ANO2: variants seen among roughly 807,000 people sequenced by gnomAD.
ANO2 encodes anoctamin-2.
A neutral mutation model predicts 124.2 loss-of-function variants in ANO2; 101 were observed. The ratio of observed to expected loss-of-function variants is 0.81; its 90% CI spans 0.69 to 0.96. The LOEUF is 0.96. Ranked by LOEUF, ANO2 falls within the 40% of genes least tolerant of loss-of-function variation. The pLI, the probability that ANO2 is intolerant of heterozygous loss-of-function variation, is 0.00. For synonymous variants in ANO2, 486 were observed against 482.5 expected, an observed-to-expected ratio of 1.01 and a Z score of -0.09; for missense variants, 1,293 against 1,274.5, an observed-to-expected ratio of 1.01 and a Z score of -0.22.
chr12:5,739,360 C>G lies in ANO2; in HGVS notation c.1391G>C (p.Arg464Pro). The G allele has an allele frequency of 6.2e-7, 1 of 1,607,598 alleles. No individual in the cohort carries two copies. The highest frequency in any genetic ancestry group is 8.5e-7 in the Non-Finnish European group (1 of 1,177,192). Reference protein sequence around the residue: ...FLENWKRLQMRLGYFWDLTGI... With the variant: ...FLENWKRLQMPLGYFWDLTGI... ...AGTCAGGTCCCAAAAGTAGCCCAGTCGCATCTGTAGCCTCTTCCAGTTTTC... is the reference window on the plus strand; with the variant it reads ...AGTCAGGTCCCAAAAGTAGCCCAGTGGCATCTGTAGCCTCTTCCAGTTTTC... The change falls in exon 13 of 25, where the codon CGA (arginine) becomes CCA (proline). Residue 464 changes from arginine to proline, a missense_variant. Transcript: ENST00000682330.
chr12:5,804,966 G>C (rs141847033), intron 9 of ANO2, among the ~76,000 whole-genome samples: 233 of 152,224 alleles, frequency 1.5e-3, no homozygotes, highest in African/African-American at 5.3e-3. Flanking sequence ...TTGGGCGAGA[G>C]AGGTGAGATG....
chr12:5,699,210 C>A (rs952168383), intron 14 of ANO2, among the ~76,000 whole-genome samples: 1 of 152,180 alleles, frequency 6.6e-6, no homozygotes, highest in Non-Finnish European at 1.5e-5. Flanking sequence ...GGGTTACCCA[C>A]AAAGGGCAGC....
intron 14 of ANO2, among the ~76,000 whole-genome samples, chr12:5,661,120 G>A (rs989653869): frequency 6.6e-6 from 1 of 152,114 alleles, no homozygotes; most frequent in Non-Finnish European, 1.5e-5. Context: ...TGCCTCTAGC[G>A]AGCAGGCCAT....
At chr12:5,774,882 T>C (rs962114379) in intron 10 of ANO2, among the ~76,000 whole-genome samples, 2 of 152,206 alleles carry the variant, frequency 1.3e-5, no homozygotes, top group African/African-American at 4.8e-5. Flanking sequence ...CACCTAGGCA[T>C]TGCATCTCTT....
In ANO2 at chr12:5,769,826, C is replaced by A. The variant is rs1952016909; in HGVS notation, c.1056-18856G>T. ...GATACAGGTGTTTGCAAACAAATGG[C>A]TTGTGAAGGGTCCTTTCCCTGGGTA... On this transcript the variant is annotated intron_variant, in intron 10 of 24. Transcript: ENST00000682330. The surrounding 1 kb of genome is among the most constrained non-coding windows in gnomAD (Gnocchi z 4.0). Among the ~76,000 whole-genome samples the A allele has an allele frequency of 6.6e-6, 1 of 152,154 alleles. No individual in the cohort carries two copies. The highest frequency in any genetic ancestry group is 2.4e-5 in the African/African-American group (1 of 41,436).
At chr12:5,693,509 G>A (rs867251378) in intron 14 of ANO2, among the ~76,000 whole-genome samples, 33 of 152,046 alleles carry the variant, frequency 2.2e-4, no homozygotes, top group African/African-American at 7.0e-4. Context: ...CTCTGTCCCC[G>A]CCCCCACGGT....
chr12:5,621,602 C>T (rs1239958745), intron 16 of ANO2, among the ~76,000 whole-genome samples: 1 of 152,134 alleles, frequency 6.6e-6, no homozygotes, highest in Non-Finnish European at 1.5e-5. Context: ...TCATTAAGTG[C>T]TGCTGTGAGG....
rs1232990555 is a variant in ANO2, at chr12:5,647,723, T to C, written c.1620+4A>G. ...ACAGGCAAGTGGTCCCTCAAGGAAA[T>C]TACCATGAATAAGATGGAGGCAAAG... On this transcript the variant is annotated splice_donor_region_variant and intron_variant, in intron 15 of 24. Transcript: ENST00000682330. 6.2e-7 allele frequency: 1 copy of C among 1,607,690 alleles called. No individual in the cohort carries two copies. The highest frequency in any genetic ancestry group is 1.3e-5 in the African/African-American group (1 of 74,808).
chr12:5,726,530 C>T (rs1358209909), intron 14 of ANO2, among the ~76,000 whole-genome samples: 1 of 152,188 alleles, frequency 6.6e-6, no homozygotes, highest in Non-Finnish European at 1.5e-5. Flanking sequence ...GACTGCCTGG[C>T]TTCGACTCTG....
At chr12:5,624,581 A>T (rs1945301881) in intron 16 of ANO2, among the ~76,000 whole-genome samples, 2 of 152,144 alleles carry the variant, frequency 1.3e-5, no homozygotes, top group Non-Finnish European at 2.9e-5. Context: ...AGAGGAAAAC[A>T]ACCCACAGGA....
In ANO2 at chr12:5,921,157, G is replaced by T. The variant is rs771214539; in HGVS notation, c.417C>A (p.Gly139=). The change falls in exon 3 of 25, where the codon GGC becomes GGA. Residue 139 remains glycine, a synonymous_variant. Transcript: ENST00000682330. ...GCGGTCCCAGCTCAATGTCACCTGG[G>T]CCCCCAGCATGAGGCTCCTTGCCTG... ...GETGKEPHAG[G]PGDIELGPLD... The T allele has an allele frequency of 6.2e-7, 1 of 1,613,946 alleles. No homozygotes were observed. Among genetic ancestry groups the T allele is most frequent in the Non-Finnish European group, 8.5e-7 (1 of 1,179,876 alleles).
At position 5,824,853 on chromosome 12, in the gene ANO2, T is replaced by A. The variant is rs371085861; in HGVS notation, c.892+2916A>T. ...ATGGTGGGAGGGGAAAGGCACTTCT[T>A]ACATGGTGGCAGCAAGAGAGAATGA... On this transcript the variant is annotated intron_variant, in intron 7 of 24. Transcript: ENST00000682330. Among the ~76,000 whole-genome samples the A allele has an allele frequency of 1.1e-4, 16 of 152,210 alleles. No homozygotes were observed. In the East Asian group the frequency reaches 1.4e-3, roughly 13 times the overall value.
At chr12:5,913,397 CCA>C (rs1941172380) in intron 3 of ANO2, among the ~76,000 whole-genome samples, 1 of 152,202 alleles carries the variant, frequency 6.6e-6, no homozygotes, top group Non-Finnish European at 1.5e-5. Flanking sequence ...AGAGCAGCCT[CCA>C]GGGAGGGCAA....
chr12:5,793,387 GC>G (rs1211627246), intron 10 of ANO2, among the ~76,000 whole-genome samples: 2 of 152,132 alleles, frequency 1.3e-5, no homozygotes, highest in African/African-American at 4.8e-5. Flanking sequence ...CAACTGTCTG[GC>G]CTCTAAGCTT....
chr12:5,724,998 A>G (rs3782638), intron 14 of ANO2, among the ~76,000 whole-genome samples: 19,571 of 151,932 alleles, frequency 0.13, 1,579 homozygotes, highest in African/African-American at 0.23. Flanking sequence ...ACACAAAAAT[A>G]TATCTTTGCT....
chr12:5,778,402 T>C (rs1952290898), intron 10 of ANO2, among the ~76,000 whole-genome samples: 1 of 152,196 alleles, frequency 6.6e-6, no homozygotes, highest in South Asian at 2.1e-4. Flanking sequence ...CTTTGTACCA[T>C]CCTGCAGAAA....
intron 3 of ANO2, among the ~76,000 whole-genome samples, chr12:5,873,341 C>T (rs531054221): frequency 1.3e-5 from 2 of 152,110 alleles, no homozygotes; most frequent in South Asian, 2.1e-4. Flanking sequence ...GTCACTAGGC[C>T]GGCGAAGCCA....
chr12:5,852,979 G>A (rs756661219), intron 4 of ANO2, among the ~76,000 whole-genome samples: 1 of 151,546 alleles, frequency 6.6e-6, no homozygotes, highest in Non-Finnish European at 1.5e-5. Flanking sequence ...AAACTAGAGT[G>A]CCATCTGCCA....
intron 9 of ANO2, 90 bp from the exon 10 acceptor site, chr12:5,799,661 C>A: frequency 8.5e-7 from 1 of 1,172,030 alleles, no homozygotes; most frequent in Non-Finnish European, 1.3e-6. Flanking sequence ...ATTTTTATCC[C>A]CAAAGTCCAG....
Sources: allele counts gnomAD v4.1 joint callset (sites outside exome capture counted in the v4.1 genomes callset), GRCh38; gene constraint gnomAD v4.1.1; non-coding constraint Gnocchi (gnomAD v3.1); transcripts MANE v1.5; gene names NCBI Gene and HGNC (gene_info 2026-07-23, HGNC 2026-07-21).